Variants in CNTN5 observed in about 807,000 individuals in gnomAD.
CNTN5 encodes contactin-5.
A neutral mutation model predicts 129.1 loss-of-function variants in CNTN5; 77 were observed. The ratio of observed to expected loss-of-function variants is 0.60; its 90% CI spans 0.50 to 0.72. The LOEUF (loss-of-function observed/expected upper bound fraction) is 0.72. Ranked by LOEUF, CNTN5 falls within the 30% of genes least tolerant of loss-of-function variation. The probability of loss-of-function intolerance (pLI) is 0.00; values close to 1 mark genes in which losing one functional copy is unlikely to be tolerated. For missense variants in CNTN5, 1,478 were observed against 1,328.8 expected (o/e 1.11, Z -1.75); for synonymous variants, 509 against 465.6 (o/e 1.09, Z -1.20).
At chr11:99,529,110 A>T (rs1052544062) in intron 2 of CNTN5, among the ~76,000 whole-genome samples, 2 of 152,008 alleles carry the variant, frequency 1.3e-5, no homozygotes, top group Non-Finnish European at 2.9e-5. Context: ...CACAAAAAAG[A>T]AAGGTCTGTC....
chr11:99,856,505 A>G (rs1948038799), intron 6 of CNTN5, among the ~76,000 whole-genome samples: 1 of 152,186 alleles, frequency 6.6e-6, no homozygotes, highest in Non-Finnish European at 1.5e-5. Flanking sequence ...GTGTAGCCTC[A>G]GATGTGATCA....
chr11:100,001,221 A>G (rs746857676), intron 8 of CNTN5, among the ~76,000 whole-genome samples: 16 of 152,212 alleles, frequency 1.1e-4, no homozygotes, highest in Non-Finnish European at 2.2e-4. Context: ...GAGAAGGAGA[A>G]GCAAGGCATG....
chr11:100,092,404 A>C (rs1944822158), intron 13 of CNTN5, among the ~76,000 whole-genome samples: 1 of 152,142 alleles, frequency 6.6e-6, no homozygotes, highest in Non-Finnish European at 1.5e-5. Context: ...GCAAACACCC[A>C]GCTGTATTTA....
intron 3 of CNTN5, among the ~76,000 whole-genome samples, chr11:99,569,071 A>C (rs1358880987): frequency 6.6e-6 from 1 of 152,156 alleles, no homozygotes; most frequent in Non-Finnish European, 1.5e-5. Flanking sequence ...ATGCTGGACC[A>C]TCTGAATGGT....
intron 3 of CNTN5, among the ~76,000 whole-genome samples, chr11:99,641,787 T>A (rs750387767): frequency 7.9e-5 from 12 of 152,136 alleles, no homozygotes; most frequent in Non-Finnish European, 1.5e-4. Flanking sequence ...CTTCCCTCCC[T>A]TTGCCTATCT....
At chr11:99,530,361 C>T (rs1031948595) in intron 2 of CNTN5, among the ~76,000 whole-genome samples, 4 of 152,056 alleles carry the variant, frequency 2.6e-5, no homozygotes, top group African/African-American at 9.7e-5. Context: ...AGTATGAAAC[C>T]ACAAAGGAAA....
chr11:99,149,274 ACAGGAAGAG>A (rs1273381277), intron 1 of CNTN5, among the ~76,000 whole-genome samples: 1 of 152,156 alleles, frequency 6.6e-6, no homozygotes, highest in African/African-American at 2.4e-5. Flanking sequence ...CATGGGCAGG[ACAGGAAGAG>A]CAGAAAAAGA....
intron 1 of CNTN5, among the ~76,000 whole-genome samples, chr11:99,039,219 G>A (rs896227123): frequency 6.6e-6 from 1 of 152,070 alleles, no homozygotes; most frequent in Non-Finnish European, 1.5e-5. Context: ...TCTTAAAGAG[G>A]AATTGATTTC....
intron 8 of CNTN5, among the ~76,000 whole-genome samples, chr11:99,962,399 G>C (rs948403738): frequency 1.3e-5 from 2 of 149,824 alleles, no homozygotes; most frequent in African/African-American, 4.9e-5. Context: ...TGAGTGAGAA[G>C]ATGCAGTGTT....
chr11:99,790,666 A>G (rs1945709005), intron 3 of CNTN5, among the ~76,000 whole-genome samples: 1 of 152,078 alleles, frequency 6.6e-6, no homozygotes, highest in African/African-American at 2.4e-5. Context: ...AGAATGATTT[A>G]GATTCCCTGG....
chr11:100,104,352 C>G (rs1945342197), intron 13 of CNTN5, among the ~76,000 whole-genome samples: 1 of 151,960 alleles, frequency 6.6e-6, no homozygotes, highest in Non-Finnish European at 1.5e-5. Context: ...GCCTTGGCCT[C>G]CCAAAGGTGT....
chr11:99,481,975 G>T (rs1348303221), intron 2 of CNTN5, among the ~76,000 whole-genome samples: 3 of 152,158 alleles, frequency 2.0e-5, no homozygotes, highest in African/African-American at 7.2e-5. Flanking sequence ...TTATAAGAAT[G>T]ATTTAAGAAT....
Position 99,623,772 on chromosome 11 carries a change from G to A in CNTN5, c.55+67503G>A, listed in dbSNP as rs531379234. Among the ~76,000 whole-genome samples, 4 of 150,646 alleles carry A rather than the reference G, an allele frequency of 2.7e-5. No individual in the cohort carries two copies. In the South Asian group the frequency reaches 6.3e-4, roughly 24 times the overall value. ...ATAAAAAAAAAAAGATAAAAGCTGT[G>A]CACTAAGGTATCTGTATTTATTTGT... On this transcript the variant is annotated intron_variant, in intron 3 of 24. Transcript: ENST00000524871.
At position 99,781,803 on chromosome 11, in the gene CNTN5, A is replaced by G. The variant is rs557893667; in HGVS notation, c.56-37741A>G. Reference sequence around the variant, plus strand: ...CCTTCATGCTAAAAACTCTCAATAAATTAGGGATTGATGGGACGTATCTCA... The same window carrying G: ...CCTTCATGCTAAAAACTCTCAATAAGTTAGGGATTGATGGGACGTATCTCA... On this transcript the variant is annotated intron_variant, in intron 3 of 24. Coordinates refer to ENST00000524871, the MANE Select transcript of CNTN5 (RefSeq NM_014361.4). Among the ~76,000 whole-genome samples, 6 of 152,246 alleles carry G rather than the reference A, an allele frequency of 3.9e-5. No individual in the cohort carries two copies. In the South Asian group the frequency reaches 1.2e-3, roughly 32 times the overall value.
At chr11:99,807,157 A>G (rs1180748388) in intron 3 of CNTN5, among the ~76,000 whole-genome samples, 1 of 152,212 alleles carries the variant, frequency 6.6e-6, no homozygotes. Context: ...AAAGTAAAAA[A>G]AAGATAATAG....
chr11:100,167,778 A>G (rs1947688681), intron 13 of CNTN5, among the ~76,000 whole-genome samples: 1 of 151,926 alleles, frequency 6.6e-6, no homozygotes, highest in Admixed American at 6.6e-5. Context: ...TAGTGGAGTG[A>G]AGGAGCTAGA....
chr11:99,510,408 T>C (rs982392614), intron 2 of CNTN5, among the ~76,000 whole-genome samples: 1 of 152,226 alleles, frequency 6.6e-6, no homozygotes, highest in Non-Finnish European at 1.5e-5. Flanking sequence ...ACGCATCTTT[T>C]GACCTAGAAA....
chr11:99,526,778 C>T (rs978447027), intron 2 of CNTN5, among the ~76,000 whole-genome samples: 1 of 152,132 alleles, frequency 6.6e-6, no homozygotes, highest in Non-Finnish European at 1.5e-5. Flanking sequence ...ATTATGTGTA[C>T]ATTTGTTTTC....
intron 1 of CNTN5, among the ~76,000 whole-genome samples, chr11:99,206,490 A>G (rs113589965): frequency 0.015 from 2,267 of 152,238 alleles, 67 homozygotes; most frequent in African/African-American, 0.052. Context: ...GTGCTCTACA[A>G]GCTGAAGTGG....
Sources: gnomAD v4.1 joint callset for allele counts (sites outside exome capture counted in the v4.1 genomes callset) on GRCh38, gnomAD v4.1.1 for gene constraint, MANE v1.5 for transcripts, NCBI Gene and HGNC (gene_info 2026-07-23, HGNC 2026-07-21) for gene names.